MARS1: variants seen among roughly 807,000 people sequenced by gnomAD.
MARS1 encodes methionyl-tRNA synthetase 1.
In MARS1, 80 loss-of-function variants were observed where a neutral mutation model predicts 119.5. The ratio of observed to expected loss-of-function variants is 0.67; its 90% confidence interval spans 0.56 to 0.81. MARS1 has a LOEUF of 0.81. MARS1 is among the 30% of genes least tolerant of loss of function. The probability of loss-of-function intolerance (pLI) is 0.00; values close to 1 mark genes in which losing one functional copy is unlikely to be tolerated. For missense variants in MARS1, 945 were observed against 1,116.5 expected (o/e 0.85, Z 2.19); for synonymous variants, 418 against 433.4 (o/e 0.96, Z 0.44).
chr12:57,490,075 C>T, intron 5 of MARS1, 104 bp downstream of exon 5: 4 of 1,432,972 alleles, frequency 2.8e-6, no homozygotes, highest in Non-Finnish European at 3.9e-6. Context: ...CTTGACTGGG[C>T]AACTATAGCA....
At chr12:57,507,239 C>T (rs543725863) in intron 11 of MARS1, among the ~76,000 whole-genome samples, 2 of 151,426 alleles carry the variant, frequency 1.3e-5, no homozygotes, top group Non-Finnish European at 3.0e-5. Flanking sequence ...GAAAAGTCTC[C>T]CATGTCTACC....
chr12:57,511,214 C>T (rs111515147), intron 11 of MARS1, among the ~76,000 whole-genome samples: 11,996 of 152,112 alleles, frequency 0.079, 1,532 homozygotes, highest in African/African-American at 0.27. Context: ...CTCCTGCCCT[C>T]AAGTGATCCT....
intron 7 of MARS1, among the ~76,000 whole-genome samples, chr12:57,493,944 A>G (rs1334245719): frequency 2.0e-5 from 2 of 97,904 alleles, no homozygotes; most frequent in African/African-American, 4.0e-5. Context: ...TATATTATAT[A>G]TATATTTTTT....
chr12:57,504,308 GC>G lies in MARS1; in HGVS notation c.1368+10del, dbSNP rs931655126. The G allele has an allele frequency of 3.7e-6, 6 of 1,613,574 alleles. No individual in the cohort carries two copies. The Admixed American group carries it at 8.3e-5, about 22-fold the overall frequency. On this transcript the variant is annotated intron_variant, in intron 11 of 20. Coordinates refer to ENST00000262027, the MANE Select transcript of MARS1 (RefSeq NM_004990.4). ...TTCTGGACCTGCCTAAGGTAAGTGA[GC>G]TTTTCTCTCAACCTAGTTTTCAGGA...
chr12:57,511,451 C>T (rs1320867471), intron 11 of MARS1: 3 of 517,930 alleles, frequency 5.8e-6, no homozygotes, highest in Non-Finnish European at 1.0e-5. Flanking sequence ...GTGGTGTGCA[C>T]CTGTGGTCCC....
rs187959340 is a variant in MARS1, at chr12:57,490,169, C to T, written c.491-38C>T. 3 of 1,595,746 alleles carry T rather than the reference C, an allele frequency of 1.9e-6. No homozygotes were observed. The Admixed American group carries it at 5.3e-5, about 28-fold the overall frequency. On this transcript the variant is annotated intron_variant, in intron 5 of 20. Coordinates refer to ENST00000262027, the MANE Select transcript of MARS1 (RefSeq NM_004990.4). The stretch of plus-strand genomic sequence containing the variant: ...GATGCCCGCTCCTGCCTACCAGGTC[C>T]TTATGTTTGCTGATTTTCTTTTCTT...
At chr12:57,504,607 A>T (rs1877091486) in intron 11 of MARS1, among the ~76,000 whole-genome samples, 1 of 151,354 alleles carries the variant, frequency 6.6e-6, no homozygotes, top group East Asian at 1.9e-4. Flanking sequence ...GCTGGAATGC[A>T]GTGGCATGAT....
Position 57,514,711 on chromosome 12 carries a change from C to T in MARS1, c.1968-9C>T, listed in dbSNP as rs1350443713. 6.2e-7 allele frequency: 1 copy of T among 1,614,028 alleles called. No individual in the cohort carries two copies. The highest frequency in any genetic ancestry group is 1.7e-5 in the Admixed American group (1 of 60,022). On this transcript the variant is annotated splice_polypyrimidine_tract_variant and intron_variant, in intron 15 of 20. Coordinates refer to ENST00000262027, the MANE Select transcript of MARS1 (RefSeq NM_004990.4). ...TTTTTCCACTTCTGCTTTCCTACTCCCAACCAAGAGCTGGGATGTTTGTGT... is the reference window on the plus strand; with the variant it reads ...TTTTTCCACTTCTGCTTTCCTACTCTCAACCAAGAGCTGGGATGTTTGTGT...
At chr12:57,495,895 C>T (rs1876601340) in intron 7 of MARS1, among the ~76,000 whole-genome samples, 1 of 152,212 alleles carries the variant, frequency 6.6e-6, no homozygotes, top group South Asian at 2.1e-4. Flanking sequence ...AGGCACTGGG[C>T]AGGCTGAGGC....
chr12:57,496,508 G>A lies in MARS1; in HGVS notation c.771-1649G>A, dbSNP rs528645076. 3.3e-5 allele frequency among the ~76,000 whole-genome samples: 5 copies of A among 152,188 alleles called. No individual in the cohort carries two copies. In the East Asian group the frequency reaches 9.7e-4, roughly 29 times the overall value. On this transcript the variant is annotated intron_variant, in intron 7 of 20. Coordinates refer to ENST00000262027, the MANE Select transcript of MARS1 (RefSeq NM_004990.4). ...CTCATATAGAATAGGAAGTACTGCC[G>A]TGGCTCATGCCTGAAATCCCAGCAC...
chr12:57,503,264 G>A (rs1022901209), intron 10 of MARS1, among the ~76,000 whole-genome samples: 1 of 123,826 alleles, frequency 8.1e-6, no homozygotes, highest in Non-Finnish European at 1.7e-5. Context: ...ATGGAGTTTT[G>A]CTCTTGTTGC....
chr12:57,492,989 G>T (rs1232741706), intron 7 of MARS1, among the ~76,000 whole-genome samples: 1 of 151,854 alleles, frequency 6.6e-6, no homozygotes, highest in African/African-American at 2.4e-5. Flanking sequence ...CCTTCTCCCT[G>T]GAATGCCAGC....
Position 57,490,259 on chromosome 12 carries a change from A to G in MARS1, c.543A>G (p.Pro181=), listed in dbSNP as rs755270229. ...TCCAGACACTGAGTACCCAGGAACCATGTCAGCGAGCTGCAGAGACTGTAC... is the reference window on the plus strand; with the variant it reads ...TCCAGACACTGAGTACCCAGGAACCGTGTCAGCGAGCTGCAGAGACTGTAC... The part of the protein sequence containing the change: ...SWFQTLSTQE[P]CQRAAETVLK... The change falls in exon 6 of 21, where the codon CCA becomes CCG. Residue 181 remains proline (P), a synonymous_variant. Transcript: ENST00000262027. 6.2e-7 allele frequency: 1 copy of G among 1,613,864 alleles called. No homozygotes were observed. The highest frequency in any genetic ancestry group is 2.2e-5 in the East Asian group (1 of 44,882).
At chr12:57,515,820 C>G in intron 18 of MARS1, 100 bp from the exon 19 acceptor site, 1 of 883,958 alleles carries the variant, frequency 1.1e-6, no homozygotes, top group South Asian at 1.6e-5. Flanking sequence ...CTCGTTCTTT[C>G]TAAAACACAT....
intron 9 of MARS1, 39 bp downstream of exon 9, chr12:57,498,662 G>C: frequency 1.3e-6 from 2 of 1,586,842 alleles, no homozygotes; most frequent in South Asian, 2.2e-5. Flanking sequence ...GGGCTTGAAG[G>C]CTGAGACTGG....
chr12:57,492,370 T>C (rs549443875), intron 7 of MARS1, among the ~76,000 whole-genome samples: 59 of 147,794 alleles, frequency 4.0e-4, no homozygotes, highest in African/African-American at 1.3e-3. Flanking sequence ...CTCTAAAACA[T>C]TGAGTGAAGA....
chr12:57,494,899 C>T (rs1462737200), intron 7 of MARS1, among the ~76,000 whole-genome samples: 1 of 152,180 alleles, frequency 6.6e-6, no homozygotes, highest in African/African-American at 2.4e-5. Flanking sequence ...TCTCCTATGT[C>T]TACTTCTTTC....
intron 10 of MARS1, among the ~76,000 whole-genome samples, chr12:57,503,217 A>G (rs1877014257): frequency 6.6e-6 from 1 of 151,978 alleles, no homozygotes; most frequent in African/African-American, 2.4e-5. Flanking sequence ...TATTTTGTAA[A>G]GATCTGCACT....
At chr12:57,510,510 C>A (rs1877458336) in intron 11 of MARS1, among the ~76,000 whole-genome samples, 1 of 151,880 alleles carries the variant, frequency 6.6e-6, no homozygotes, top group Admixed American at 6.6e-5. Context: ...CTGGTTTACA[C>A]CTGTAATCCC....
Sources: gnomAD v4.1 joint callset for allele counts (sites outside exome capture counted in the v4.1 genomes callset) on GRCh38, gnomAD v4.1.1 for gene constraint, MANE v1.5 for transcripts, NCBI Gene and HGNC (gene_info 2026-07-23, HGNC 2026-07-21) for gene names.